Variants in VWA8 observed in about 807,000 individuals in gnomAD.
The protein encoded by VWA8 is von Willebrand factor A domain-containing protein 8.
A neutral mutation model predicts 241.5 loss-of-function variants in VWA8; 221 were observed. That is an observed-to-expected ratio of 0.91 (90% CI 0.82 to 1.02). The LOEUF is 1.02. VWA8 is among the 50% of genes least tolerant of loss of function. The probability of loss-of-function intolerance (pLI) is 0.00; values close to 1 mark genes in which losing one functional copy is unlikely to be tolerated. For synonymous variants in VWA8, 852 were observed against 827.1 expected, an observed-to-expected ratio of 1.03 and a Z score of -0.52; for missense variants, 2,322 against 2,328.7, an observed-to-expected ratio of 1.00 and a Z score of 0.06.
At chr13:41,904,743 C>T (rs1230924428) in intron 4 of VWA8, among the ~76,000 whole-genome samples, 1 of 151,964 alleles carries the variant, frequency 6.6e-6, no homozygotes, top group Non-Finnish European at 1.5e-5. Context: ...TTAGGGATTA[C>T]CAGACCATAT....
rs76394917 is a variant in VWA8, at chr13:41,567,135, T to C, written c.*1062A>G. On this transcript the variant is annotated 3_prime_UTR_variant, in exon 45 of 45. Transcript: ENST00000379310. The stretch of plus-strand genomic sequence containing the variant: ...GAATGACTTTTGCTGAAGCATCTTA[T>C]TTTAAACAAAGTAATATTGAGCTTA... 6.6e-6 allele frequency: 1 copy of C among 152,290 alleles called. No homozygotes were observed. The highest frequency in any genetic ancestry group is 2.4e-5 in the African/African-American group (1 of 41,568). 9.4% of individuals were successfully genotyped at this position (152,290 alleles called of 1,614,324 possible).
intron 43 of VWA8, among the ~76,000 whole-genome samples, chr13:41,573,385 T>C (rs2139633170): frequency 6.7e-6 from 1 of 149,132 alleles, no homozygotes; most frequent in East Asian, 2.0e-4. Flanking sequence ...GCCACTGCAC[T>C]CTAGCCTGAG....
At chr13:41,837,812 T>C (rs1332452655) in intron 12 of VWA8, among the ~76,000 whole-genome samples, 1 of 152,206 alleles carries the variant, frequency 6.6e-6, no homozygotes, top group Non-Finnish European at 1.5e-5. Context: ...TATTTTTGCA[T>C]ATATTTTTCT....
At chr13:41,711,600 CAT>C (rs2045316974) in intron 26 of VWA8, among the ~76,000 whole-genome samples, 1 of 152,142 alleles carries the variant, frequency 6.6e-6, no homozygotes, top group Admixed American at 6.5e-5. Context: ...TCAGGCCGGG[CAT>C]GGTGGCTCAT....
intron 2 of VWA8, among the ~76,000 whole-genome samples, chr13:41,931,843 T>C (rs1253293536): frequency 6.6e-6 from 1 of 152,198 alleles, no homozygotes; most frequent in Non-Finnish European, 1.5e-5. Flanking sequence ...TTTACAGCAC[T>C]AATTGCCTAT....
intron 2 of VWA8, among the ~76,000 whole-genome samples, chr13:41,919,540 T>A (rs538992896): frequency 6.6e-6 from 1 of 152,208 alleles, no homozygotes; most frequent in East Asian, 1.9e-4. Flanking sequence ...TCCTGGAGGC[T>A]TTGCCATCAC....
chr13:41,610,571 G>A lies in VWA8; in HGVS notation c.4877+1005C>T, dbSNP rs375870499. On this transcript the variant is annotated intron_variant, in intron 39 of 44. Transcript: ENST00000379310. ...CCTGCATTCTTGTCTCTATTGTCCTGTACTGTTTACTTGCAGGATGTGGAA... is the reference window on the plus strand; with the variant it reads ...CCTGCATTCTTGTCTCTATTGTCCTATACTGTTTACTTGCAGGATGTGGAA... Among the ~76,000 whole-genome samples, 22 of 152,310 alleles carry A rather than the reference G, an allele frequency of 1.4e-4. 1 individual carries two copies. In the East Asian group the frequency reaches 4.2e-3, roughly 29 times the overall value.
chr13:41,876,336 A>G (rs538480035), intron 9 of VWA8, among the ~76,000 whole-genome samples: 2 of 152,162 alleles, frequency 1.3e-5, no homozygotes, highest in Admixed American at 6.5e-5. Flanking sequence ...AGAGCCCTAC[A>G]TGATCTTTCT....
At chr13:41,898,833 C>T (rs1192502007) in intron 4 of VWA8, among the ~76,000 whole-genome samples, 1 of 152,174 alleles carries the variant, frequency 6.6e-6, no homozygotes, top group African/African-American at 2.4e-5. Flanking sequence ...GTGCTAAGTC[C>T]CTCATTGCCC....
At chr13:41,748,862 G>C (rs1262862849) in intron 21 of VWA8, among the ~76,000 whole-genome samples, 1 of 152,160 alleles carries the variant, frequency 6.6e-6, no homozygotes, top group African/African-American at 2.4e-5. Context: ...ATTAATTCAA[G>C]ATGGATTAAA....
intron 23 of VWA8, among the ~76,000 whole-genome samples, chr13:41,727,972 T>C (rs1038112994): frequency 6.6e-6 from 1 of 152,148 alleles, no homozygotes; most frequent in Non-Finnish European, 1.5e-5. Flanking sequence ...ACATTTCAGA[T>C]AGAATTGCAA....
intron 37 of VWA8, among the ~76,000 whole-genome samples, chr13:41,649,208 T>C (rs932401475): frequency 3.3e-5 from 5 of 151,914 alleles, no homozygotes; most frequent in Admixed American, 1.3e-4. Flanking sequence ...AACAAAAACA[T>C]AGGGCAGTAG....
At chr13:41,960,451 C>T (rs1367895113) in intron 1 of VWA8, among the ~76,000 whole-genome samples, 1 of 152,210 alleles carries the variant, frequency 6.6e-6, no homozygotes, top group African/African-American at 2.4e-5. Flanking sequence ...TGACACAGAC[C>T]GGCTTCCAGG....
chr13:41,873,804 A>G (rs974411744), intron 9 of VWA8, among the ~76,000 whole-genome samples: 6 of 152,186 alleles, frequency 3.9e-5, no homozygotes, highest in African/African-American at 1.4e-4. Flanking sequence ...AATCAATAGA[A>G]AAAGAGGGAA....
At chr13:41,718,852 T>G (rs1308106720) in intron 26 of VWA8, among the ~76,000 whole-genome samples, 1 of 151,874 alleles carries the variant, frequency 6.6e-6, no homozygotes, top group Non-Finnish European at 1.5e-5. Context: ...AAAGTGATTA[T>G]TATCCCCTAT....
chr13:41,570,663 G>A lies in VWA8; in HGVS notation c.5414C>T (p.Thr1805Met), dbSNP rs761358108. The A allele has an allele frequency of 8.7e-6, 14 of 1,614,162 alleles. No homozygotes were observed. Among genetic ancestry groups the A allele is most frequent in the East Asian group, 2.2e-5 (1 of 44,886 alleles). Reference sequence around the variant, plus strand: ...GATGGCATGTTCTGTCCCTTCTAACGTGTGGTCCCCACTCATGCAGAACTG... The same window carrying A: ...GATGGCATGTTCTGTCCCTTCTAACATGTGGTCCCCACTCATGCAGAACTG... Reference protein sequence around the residue: ...HSQFCMSGDHTLEGTEHAIKE... With the variant: ...HSQFCMSGDHMLEGTEHAIKE... The change falls in exon 44 of 45, where the codon ACG (threonine) becomes ATG (methionine). Residue 1805 changes from threonine to methionine, a missense_variant. Coordinates refer to ENST00000379310, the MANE Select transcript of VWA8 (RefSeq NM_015058.2).
intron 21 of VWA8, among the ~76,000 whole-genome samples, chr13:41,749,258 T>G (rs187825166): frequency 1.3e-5 from 2 of 152,326 alleles, no homozygotes; most frequent in African/African-American, 4.8e-5. Context: ...GAAAAAGTGC[T>G]CATCATCACT....
intron 26 of VWA8, among the ~76,000 whole-genome samples, chr13:41,713,774 GTTCA>G (rs2045332394): frequency 6.6e-6 from 1 of 152,064 alleles, no homozygotes; most frequent in Non-Finnish European, 1.5e-5. Context: ...TATGAATCTT[GTTCA>G]TTATGTTTAG....
intron 40 of VWA8, among the ~76,000 whole-genome samples, chr13:41,601,380 C>A (rs755619028): frequency 3.3e-5 from 5 of 152,070 alleles, no homozygotes; most frequent in Non-Finnish European, 5.9e-5. Flanking sequence ...GTTCAAAGCA[C>A]TATTTATCTG....
Sources: allele counts gnomAD v4.1 joint callset (sites outside exome capture counted in the v4.1 genomes callset), GRCh38; gene constraint gnomAD v4.1.1; transcripts MANE v1.5; gene names NCBI Gene and HGNC (gene_info 2026-07-23, HGNC 2026-07-21).